Variants in PRRC2B observed in about 807,000 individuals in gnomAD.
PRRC2B encodes proline rich coiled-coil 2B.
Under a neutral mutation model 242.3 loss-of-function variants are expected in PRRC2B, and 68 were observed. The ratio of observed to expected loss-of-function variants is 0.28; its 90% CI spans 0.23 to 0.34. PRRC2B has a LOEUF of 0.34. Ranked by LOEUF, PRRC2B falls within the 10% of genes least tolerant of loss-of-function variation. The probability of loss-of-function intolerance (pLI) is 1.00; values close to 1 mark genes in which losing one functional copy is unlikely to be tolerated. For missense variants in PRRC2B, 2,835 were observed against 2,954.8 expected (o/e 0.96, Z 0.94); for synonymous variants, 1,228 against 1,173.6 (o/e 1.05, Z -0.95).
chr9:131,415,306 G>A (rs2966353), intron 1 of PRRC2B, among the ~76,000 whole-genome samples: 32,814 of 152,182 alleles, frequency 0.22, 4,685 homozygotes, highest in Non-Finnish European at 0.33. Context: ...TAATAAGAAC[G>A]TTCATTGACT....
intron 1 of PRRC2B, among the ~76,000 whole-genome samples, chr9:131,378,531 T>C (rs1254973590): frequency 6.6e-6 from 1 of 152,082 alleles, no homozygotes; most frequent in African/African-American, 2.4e-5. Context: ...CCTGCAAAAG[T>C]TCCCCAAGGG....
chr9:131,471,303 C>T (rs561168949), intron 14 of PRRC2B, among the ~76,000 whole-genome samples: 18 of 152,210 alleles, frequency 1.2e-4, no homozygotes, highest in African/African-American at 4.3e-4. Context: ...ATTAGTCTTT[C>T]CCAAGGTTTG....
chr9:131,475,641 A>T lies in PRRC2B; in HGVS notation c.3512A>T (p.Lys1171Met). ...LLEREESTLK[K>M]GDCRDSWRSN... ...GAGAGGGAGGAGAGCACCTTGAAGA[A>T]GGGCGACTGCAGAGATTCTTGGCGG... Residue 1171 changes from lysine (K) to methionine (M), a missense_variant, in exon 16 of 32, where the codon AAG becomes ATG. Physicochemically the swap from Lys to Met is moderately conservative, Grantham distance 95. This residue lies in a region of PRRC2B where 1,536 missense variants were observed against 1,483.1 expected (regional missense o/e 1.04). Transcript: ENST00000683519. 1 of 1,611,258 alleles carries T rather than the reference A, an allele frequency of 6.2e-7. No homozygotes were observed. Among genetic ancestry groups the T allele is most frequent in the Non-Finnish European group, 8.5e-7 (1 of 1,178,878 alleles).
intron 11 of PRRC2B, among the ~76,000 whole-genome samples, chr9:131,461,711 T>C (rs906545731): frequency 6.6e-5 from 10 of 152,172 alleles, no homozygotes; most frequent in African/African-American, 2.4e-4. Context: ...TGGCTAACTT[T>C]TGTATTTTTA....
rs747094274 is a variant in PRRC2B, at chr9:131,446,592, A to C, written c.805A>C (p.Met269Leu). ...QPVRKGASQF[M>L]GNVYHPPTYH... ...TGTCCGAAAAGGGGCTTCACAGTTC[A>C]TGGGAAATGTATACCACCCACCTAC... is the stretch of plus-strand genomic sequence containing the variant. The change falls in exon 7 of 32, where the codon ATG becomes CTG. Residue 269 changes from methionine to leucine, a missense_variant. Physicochemically the swap from Met to Leu is conservative, Grantham distance 15. Around this residue, in one of 7 missense-constraint regions of PRRC2B, gnomAD observed 626 missense variants for 685.5 expected, o/e 0.91. Coordinates refer to ENST00000683519, the MANE Select transcript of PRRC2B (RefSeq NM_013318.4). This position sits in a 1 kb window ranked among gnomAD's most constrained non-coding sequence, Gnocchi z 4.1. 3.1e-6 allele frequency: 5 copies of C among 1,613,818 alleles called. No individual in the cohort carries two copies. In the East Asian group the frequency reaches 1.1e-4, roughly 36 times the overall value.
intron 11 of PRRC2B, among the ~76,000 whole-genome samples, chr9:131,459,728 G>T (rs980537400): frequency 2.0e-5 from 3 of 151,356 alleles, no homozygotes; most frequent in Admixed American, 1.3e-4. Flanking sequence ...TTGTAGAGAC[G>T]AGGTCTTACT....
Position 131,474,528 on chromosome 9 carries a change from G to T in PRRC2B, c.2399G>T (p.Arg800Ile). Residue 800 changes from arginine (R) to isoleucine (I), a missense_variant, in exon 16 of 32, where the codon AGA (arginine) becomes ATA (isoleucine). Around this residue, in one of 7 missense-constraint regions of PRRC2B, gnomAD observed 1,536 missense variants for 1,483.1 expected, o/e 1.04. Transcript: ENST00000683519. Reference sequence around the variant, plus strand: ...GCTCAGCGCGATCTCTTTGAGGAGAGAGGGGAGGAGTACTTGAGTGCTTTT... The same window carrying T: ...GCTCAGCGCGATCTCTTTGAGGAGATAGGGGAGGAGTACTTGAGTGCTTTT... The part of the protein sequence containing the change: ...VSAQRDLFEE[R>I]GEEYLSAFDK... 6.2e-7 allele frequency: 1 copy of T among 1,614,016 alleles called. No individual in the cohort carries two copies. The highest frequency in any genetic ancestry group is 8.5e-7 in the Non-Finnish European group (1 of 1,179,898).
chr9:131,475,869 C>T lies in PRRC2B; in HGVS notation c.3740C>T (p.Ser1247Phe). 6.2e-7 allele frequency: 1 copy of T among 1,613,832 alleles called. No individual in the cohort carries two copies. Among genetic ancestry groups the T allele is most frequent in the Non-Finnish European group, 8.5e-7 (1 of 1,179,798 alleles). ...TATGGCCCTTCCGACACATGCGGAT[C>T]CCGGCGACCTACAGACAGAGACTAT... ...QEYGPSDTCG[S>F]RRPTDRDYVP... Residue 1247 changes from serine (S) to phenylalanine (F), a missense_variant, in exon 16 of 32, where the codon TCC becomes TTC. Around this residue, in one of 7 missense-constraint regions of PRRC2B, gnomAD observed 1,536 missense variants for 1,483.1 expected, o/e 1.04. Coordinates refer to ENST00000683519, the MANE Select transcript of PRRC2B (RefSeq NM_013318.4).
chr9:131,435,894 CTG>C (rs937591116), intron 3 of PRRC2B, among the ~76,000 whole-genome samples: 9 of 152,196 alleles, frequency 5.9e-5, no homozygotes, highest in African/African-American at 1.9e-4. Context: ...AAAAACAAAA[CTG>C]TATTAACAGG....
At chr9:131,449,304 A>T (rs1344264405) in intron 9 of PRRC2B, among the ~76,000 whole-genome samples, 1 of 152,004 alleles carries the variant, frequency 6.6e-6, no homozygotes, top group Non-Finnish European at 1.5e-5. Context: ...GCCATTTTAC[A>T]TTCCCAGCAG....
chr9:131,470,212 A>G (rs1943503298), intron 13 of PRRC2B, among the ~76,000 whole-genome samples: 2 of 152,180 alleles, frequency 1.3e-5, no homozygotes, highest in African/African-American at 4.8e-5. Context: ...CCCAACCCTC[A>G]CTGTAACACC....
In PRRC2B at chr9:131,405,354, T is replaced by C. The variant is rs535867319; in HGVS notation, c.-52+11091T>C. The stretch of plus-strand genomic sequence containing the variant: ...GCTGCCTGTTTTCTTCCAACTGTTA[T>C]ACACTGGAGCCTGGTGCATAAAATT... On this transcript the variant is annotated intron_variant, in intron 1 of 31. Transcript: ENST00000683519. 1.2e-4 allele frequency among the ~76,000 whole-genome samples: 19 copies of C among 152,348 alleles called. No homozygotes were observed. The South Asian group carries it at 3.3e-3, about 27-fold the overall frequency.
At chr9:131,419,477 T>G (rs1837739701) in intron 1 of PRRC2B, among the ~76,000 whole-genome samples, 4 of 152,152 alleles carry the variant, frequency 2.6e-5, no homozygotes, top group Admixed American at 2.6e-4. Flanking sequence ...AGAGCAGCCC[T>G]GCTGGGGAAC....
intron 1 of PRRC2B, among the ~76,000 whole-genome samples, chr9:131,376,762 C>T (rs960404968): frequency 6.6e-6 from 1 of 152,152 alleles, no homozygotes; most frequent in African/African-American, 2.4e-5. Context: ...ATCCCAGCTA[C>T]TCAGGAGCCT....
intron 1 of PRRC2B, among the ~76,000 whole-genome samples, chr9:131,382,875 C>T (rs1836778884): frequency 6.6e-6 from 1 of 152,210 alleles, no homozygotes; most frequent in Non-Finnish European, 1.5e-5. Flanking sequence ...GAACTCCTGA[C>T]CTCAAGTGAT....
intron 13 of PRRC2B, among the ~76,000 whole-genome samples, chr9:131,468,165 A>G (rs1426579264): frequency 4.6e-5 from 7 of 152,112 alleles, no homozygotes; most frequent in Non-Finnish European, 8.8e-5. Flanking sequence ...CCAAGGTGTA[A>G]GGGAGGCCTG....
chr9:131,467,519 T>G (rs761511140), intron 12 of PRRC2B, 44 bp from the exon 13 acceptor site: 8 of 1,485,860 alleles, frequency 5.4e-6, no homozygotes, highest in Non-Finnish European at 7.3e-6. Context: ...TGGCTGAGCT[T>G]CTGTGAGCTC....
chr9:131,467,052 C>T (rs576492798), intron 12 of PRRC2B, among the ~76,000 whole-genome samples: 4 of 152,114 alleles, frequency 2.6e-5, no homozygotes, highest in Admixed American at 6.5e-5. Context: ...CCATCCGCCT[C>T]GGCCTCCCAA....
At chr9:131,422,934 T>C (rs1042831908) in intron 1 of PRRC2B, among the ~76,000 whole-genome samples, 1 of 152,198 alleles carries the variant, frequency 6.6e-6, no homozygotes, top group African/African-American at 2.4e-5. Flanking sequence ...AATATTTTCT[T>C]TTAGGCTGGC....
Sources: allele counts gnomAD v4.1 joint callset (sites outside exome capture counted in the v4.1 genomes callset), GRCh38; gene constraint gnomAD v4.1.1; regional missense constraint gnomAD v4.1.1; non-coding constraint Gnocchi (gnomAD v3.1); transcripts MANE v1.5; gene names NCBI Gene and HGNC (gene_info 2026-07-23, HGNC 2026-07-21).